PHLDB2: variants seen among roughly 807,000 people sequenced by gnomAD.
The protein encoded by PHLDB2 is pleckstrin homology like domain family B member 2.
In PHLDB2, 71 loss-of-function variants were observed where a neutral mutation model predicts 123.6. The ratio of observed to expected loss-of-function variants is 0.57; its 90% CI spans 0.47 to 0.70. The LOEUF is 0.70. Ranked by LOEUF, PHLDB2 falls within the 30% of genes least tolerant of loss-of-function variation. The probability of loss-of-function intolerance (pLI) is 0.00; values close to 1 mark genes in which losing one functional copy is unlikely to be tolerated. For synonymous variants in PHLDB2, 547 were observed against 541.6 expected (o/e 1.01, Z -0.14); for missense variants, 1,446 against 1,519.5 (o/e 0.95, Z 0.80).
chr3:111,791,021 A>G (rs947707860), intron 1 of PHLDB2, among the ~76,000 whole-genome samples: 1 of 152,096 alleles, frequency 6.6e-6, no homozygotes, highest in Non-Finnish European at 1.5e-5. Context: ...ATTTCTCTGT[A>G]ATATTATCTT....
Position 111,919,137 on chromosome 3 carries a change from A to G in PHLDB2, c.1785A>G (p.Ile595Met), listed in dbSNP as rs1255636562. ...TGGCTGCAATGGAAGAAACCCGGATAGTCATTCTGAACAACCTCGAGGAAC... is the reference window on the plus strand; with the variant it reads ...TGGCTGCAATGGAAGAAACCCGGATGGTCATTCTGAACAACCTCGAGGAAC... ...QELAAMEETR[I>M]VILNNLEELK... Residue 595 changes from isoleucine to methionine, a missense_variant, in exon 4 of 18, where the codon ATA (isoleucine) becomes ATG (methionine). Around this residue, in one of 3 missense-constraint regions of PHLDB2, gnomAD observed 832 missense variants for 831.9 expected, o/e 1.00. Transcript: ENST00000431670. The G allele has an allele frequency of 2.5e-6, 4 of 1,613,884 alleles. No homozygotes were observed. In the African/African-American group the frequency reaches 4.0e-5, roughly 16 times the overall value.
chr3:111,805,544 G>C (rs2061546025), intron 1 of PHLDB2, among the ~76,000 whole-genome samples: 1 of 149,484 alleles, frequency 6.7e-6, no homozygotes, highest in Non-Finnish European at 1.5e-5. Flanking sequence ...CTGGGCGACA[G>C]AGCAACACTC....
chr3:111,900,325 A>G (rs752631165), intron 2 of PHLDB2, among the ~76,000 whole-genome samples: 3 of 152,176 alleles, frequency 2.0e-5, no homozygotes, highest in Admixed American at 6.5e-5. Context: ...CTTTTGGCCT[A>G]TCTCATTTTT....
intron 1 of PHLDB2, among the ~76,000 whole-genome samples, chr3:111,779,512 C>T (rs2060330845): frequency 6.6e-6 from 1 of 152,050 alleles, no homozygotes; most frequent in African/African-American, 2.4e-5. Flanking sequence ...TTTTCTGTTT[C>T]TGCATTCTGT....
intron 1 of PHLDB2, among the ~76,000 whole-genome samples, chr3:111,844,594 A>C (rs1266420211): frequency 6.6e-6 from 1 of 152,200 alleles, no homozygotes; most frequent in Non-Finnish European, 1.5e-5. Flanking sequence ...TCTCCCCTGA[A>C]TTATTGTATA....
intron 1 of PHLDB2, among the ~76,000 whole-genome samples, chr3:111,757,826 G>T (rs1278563094): frequency 2.0e-5 from 3 of 152,152 alleles, no homozygotes; most frequent in African/African-American, 7.2e-5. Flanking sequence ...TCTAACAACA[G>T]ACCTCAGCTG....
intron 1 of PHLDB2, among the ~76,000 whole-genome samples, chr3:111,782,234 A>G (rs1292923507): frequency 6.6e-6 from 1 of 152,118 alleles, no homozygotes; most frequent in Non-Finnish European, 1.5e-5. Context: ...TCAGGTTTTT[A>G]CTGGGAACAA....
chr3:111,767,967 T>C (rs1279958457), intron 1 of PHLDB2, among the ~76,000 whole-genome samples: 3 of 152,120 alleles, frequency 2.0e-5, no homozygotes, highest in African/African-American at 7.2e-5. Flanking sequence ...TGTTAAGAGC[T>C]GGTAGGATGT....
chr3:111,767,877 G>T (rs1576545252), intron 1 of PHLDB2, among the ~76,000 whole-genome samples: 1 of 152,104 alleles, frequency 6.6e-6, no homozygotes, highest in East Asian at 1.9e-4. Flanking sequence ...GTTAATTTTT[G>T]TCTTGACTTA....
At chr3:111,762,561 C>T (rs1288879703) in intron 1 of PHLDB2, among the ~76,000 whole-genome samples, 1 of 152,274 alleles carries the variant, frequency 6.6e-6, no homozygotes, top group East Asian at 1.9e-4. Context: ...TAAGTGTGAT[C>T]TGATCCAGAC....
intron 17 of PHLDB2, 27 bp from the exon 18 acceptor site, chr3:111,974,396 C>T (rs1174374706): frequency 1.9e-6 from 3 of 1,551,170 alleles, no homozygotes; most frequent in Non-Finnish European, 2.6e-6. Flanking sequence ...GTTTATTTTA[C>T]ATTCTTTTTC....
intron 1 of PHLDB2, among the ~76,000 whole-genome samples, chr3:111,767,445 A>G (rs992763526): frequency 6.6e-6 from 1 of 152,246 alleles, no homozygotes; most frequent in Non-Finnish European, 1.5e-5. Context: ...ATCTGATGAC[A>G]TAACTTAGAA....
At chr3:111,793,140 C>G (rs2061000394) in intron 1 of PHLDB2, among the ~76,000 whole-genome samples, 1 of 152,170 alleles carries the variant, frequency 6.6e-6, no homozygotes, top group Non-Finnish European at 1.5e-5. Flanking sequence ...CCCACCCAAC[C>G]CAGGGCAGGT....
intron 1 of PHLDB2, among the ~76,000 whole-genome samples, chr3:111,860,368 A>G (rs919609118): frequency 2.0e-5 from 3 of 152,192 alleles, no homozygotes; most frequent in Non-Finnish European, 4.4e-5. Flanking sequence ...CCCCACTGAA[A>G]GTTTACAGTG....
chr3:111,893,233 CTTT>C (rs77407830), intron 2 of PHLDB2, among the ~76,000 whole-genome samples: 1 of 142,132 alleles, frequency 7.0e-6, no homozygotes. Context: ...TAGTATTAAT[CTTT>C]TTTTTTTTTT....
chr3:111,788,979 G>C (rs146153699), intron 1 of PHLDB2, among the ~76,000 whole-genome samples: 1 of 152,214 alleles, frequency 6.6e-6, no homozygotes, highest in Non-Finnish European at 1.5e-5. Flanking sequence ...AACATTGCAA[G>C]ATCGTGGGTA....
At chr3:111,947,279 G>C (rs2070374510) in intron 9 of PHLDB2, among the ~76,000 whole-genome samples, 1 of 150,330 alleles carries the variant, frequency 6.7e-6, no homozygotes, top group African/African-American at 2.5e-5. Context: ...CAGACATTCT[G>C]ATGTCAAAAG....
rs116189016 is a variant in PHLDB2 at position 111,790,043 on chromosome 3, G to T, written c.-48-55778G>T. On this transcript the variant is annotated intron_variant, in intron 1 of 17. Coordinates refer to the PHLDB2 transcript ENST00000393923. ...CTCCATGGGCGTGAGGAGCCTGACT[G>T]GGGGCAGGGCGTTCAAATTGCCCTT... is the stretch of plus-strand genomic sequence containing the variant. 6.4e-3 allele frequency among the ~76,000 whole-genome samples: 977 copies of T among 152,260 alleles called. 8 individuals carry two copies. The highest frequency in any genetic ancestry group is 0.022 in the African/African-American group (933 of 41,524).
At chr3:111,823,757 G>C (rs992980448) in intron 1 of PHLDB2, among the ~76,000 whole-genome samples, 10 of 152,110 alleles carry the variant, frequency 6.6e-5, no homozygotes, top group Admixed American at 5.2e-4. Flanking sequence ...AGAAATGTAT[G>C]CTGGGTTCAC....
Sources: allele counts gnomAD v4.1 joint callset (sites outside exome capture counted in the v4.1 genomes callset), GRCh38; gene constraint gnomAD v4.1.1; regional missense constraint gnomAD v4.1.1; transcripts MANE v1.5; gene names NCBI Gene and HGNC (gene_info 2026-07-23, HGNC 2026-07-21).